Variants in LONP1 observed in about 807,000 individuals in gnomAD.
The protein encoded by LONP1 is lon peptidase 1, mitochondrial.
A neutral mutation model predicts 98.5 loss-of-function variants in LONP1; 31 were observed. The observed-to-expected ratio is 0.31, with a 90% CI of 0.24 to 0.42. LONP1 has a LOEUF of 0.42. Among genes scored for constraint, LONP1 ranks in the 20% least tolerant of loss-of-function variants. The pLI is 1.00. For synonymous variants in LONP1, 781 were observed against 594.7 expected (o/e 1.31, Z -4.56); for missense variants, 1,336 against 1,350.6 (o/e 0.99, Z 0.17).
intron 4 of LONP1, 142 bp downstream of exon 4, chr19:5,711,629 A>G: frequency 1.5e-6 from 1 of 662,120 alleles, no homozygotes; most frequent in South Asian, 2.0e-5. Context: ...TCTATGTTCC[A>G]TTAGAATTGA....
rs2054827976 is a variant in LONP1, at chr19:5,691,879, T to C, written c.*153A>G. 1.7e-5 allele frequency: 15 copies of C among 893,928 alleles called. No individual in the cohort carries two copies. The East Asian group carries it at 1.8e-4, about 11-fold the overall frequency. The allele number at this position is 893,928 out of a possible 1,614,324, so 55.4% of individuals were successfully genotyped here. Reference sequence around the variant, plus strand: ...ATTAAATAGCTTCTATGCCACACTCTGATTAAGCCGACTGAGGTCCCTGGG... The same window carrying C: ...ATTAAATAGCTTCTATGCCACACTCCGATTAAGCCGACTGAGGTCCCTGGG... On this transcript the variant is annotated 3_prime_UTR_variant, in exon 18 of 18. Coordinates refer to ENST00000360614, the MANE Select transcript of LONP1 (RefSeq NM_004793.4).
chr19:5,705,720 G>C, intron 8 of LONP1, 52 bp downstream of exon 8: 1 of 1,552,758 alleles, frequency 6.4e-7, no homozygotes, highest in Non-Finnish European at 8.9e-7. Flanking sequence ...CCTAAGATGG[G>C]GGCTGAGGAG....
intron 8 of LONP1, among the ~76,000 whole-genome samples, chr19:5,704,308 A>G (rs2055108623): frequency 6.6e-6 from 1 of 152,188 alleles, no homozygotes. Context: ...GGCATTGTGT[A>G]AGGCACTAAG....
intron 1 of LONP1, among the ~76,000 whole-genome samples, chr19:5,715,771 A>T (rs2055308877): frequency 1.3e-5 from 2 of 149,916 alleles, no homozygotes; most frequent in Non-Finnish European, 1.5e-5. Flanking sequence ...GATTCTTCCA[A>T]CTCATCCTAC....
Position 5,708,384 on chromosome 19 carries a change from A to G in LONP1, c.890T>C (p.Val297Ala), listed in dbSNP as rs774497941. Residue 297 changes from valine (V) to alanine (A), a missense_variant, in exon 5 of 18, where the codon GTG (valine) becomes GCG (alanine). By Grantham distance (64) the Val-to-Ala change is moderately conservative. This residue lies in a region of LONP1 where 97 missense variants were observed against 139.0 expected (regional missense o/e 0.70). Coordinates refer to ENST00000360614, the MANE Select transcript of LONP1 (RefSeq NM_004793.4). Reference sequence around the variant, plus strand: ...GGCAATGATGTCCCGGATGGTCTTCACGATCTCTGCAGTCAGGGCCTGCCA... The same window carrying G: ...GGCAATGATGTCCCGGATGGTCTTCGCGATCTCTGCAGTCAGGGCCTGCCA... ...EEVKALTAEIVKTIRDIIALN... is the reference protein window; with the variant it reads ...EEVKALTAEIAKTIRDIIALN... The G allele has an allele frequency of 3.0e-6, 4 of 1,337,818 alleles. No homozygotes were observed. The South Asian group carries it at 5.0e-5, about 17-fold the overall frequency. The allele number at this position is 1,337,818 out of a possible 1,614,324, so 82.9% of individuals were successfully genotyped here.
At chr19:5,703,842 C>A (rs527915553) in intron 8 of LONP1, among the ~76,000 whole-genome samples, 1 of 152,286 alleles carries the variant, frequency 6.6e-6, no homozygotes, top group South Asian at 2.1e-4. Flanking sequence ...ACAGAACCCG[C>A]CTTACAGACC....
chr19:5,715,580 T>C (rs183729688), intron 1 of LONP1, among the ~76,000 whole-genome samples: 1,391 of 124,526 alleles, frequency 0.011, 13 homozygotes, highest in Non-Finnish European at 0.017. Flanking sequence ...AGGCGGAGCA[T>C]GCAGTGAGCC....
In LONP1 at chr19:5,696,270, G is replaced by A. The variant is rs140376996; in HGVS notation, c.1875C>T (p.Asp625=). 220 of 1,613,224 alleles carry A rather than the reference G, an allele frequency of 1.4e-4. No homozygotes were observed. Among genetic ancestry groups the A allele is most frequent in the African/African-American group, 8.9e-4 (67 of 74,928 alleles). The change falls in exon 12 of 18, where the codon GAC becomes GAT. Residue 625 remains aspartate (D), a synonymous_variant. Transcript: ENST00000360614. The stretch of plus-strand genomic sequence containing the variant: ...CCACCTTGGACAAGTCCACGGGCAC[G>A]TCCAGGTAGTGGTCCAGGAAGTTGG... ...QNANFLDHYL[D]VPVDLSKVLF...
upstream of LONP1, chr19:5,720,151 G>A (rs532482572): frequency 2.9e-6 from 4 of 1,394,374 alleles, no homozygotes; most frequent in East Asian, 8.8e-5. Context: ...CATACTGGCG[G>A]CTCACACAAC....
At chr19:5,703,498 G>A (rs1425158995) in intron 8 of LONP1, among the ~76,000 whole-genome samples, 1 of 152,124 alleles carries the variant, frequency 6.6e-6, no homozygotes, top group African/African-American at 2.4e-5. Context: ...TGGGCCAGGA[G>A]CAAGTCAGTG....
At chr19:5,696,228 G>A in intron 12 of LONP1, 21 bp downstream of exon 12, 2 of 1,613,008 alleles carry the variant, frequency 1.2e-6, no homozygotes, top group Non-Finnish European at 1.7e-6. Flanking sequence ...AGCAAGCCCA[G>A]GCCCCAGACA....
In LONP1 at chr19:5,692,078, A is replaced by G. The variant is rs745688875; in HGVS notation, c.2834T>C (p.Ile945Thr). 8 of 1,610,288 alleles carry G rather than the reference A, an allele frequency of 5.0e-6. No individual in the cohort carries two copies. In the South Asian group the frequency reaches 5.5e-5, roughly 11 times the overall value. ...FVEHYREIFD[I>T]AFPDEQAEAL... is the part of the protein sequence containing the mutation. ...CTCTGCCTGCTCGTCCGGGAAGGCGATGTCGAAGATCTCCCGGTAGTGTTC... is the reference window on the plus strand; with the variant it reads ...CTCTGCCTGCTCGTCCGGGAAGGCGGTGTCGAAGATCTCCCGGTAGTGTTC... The change falls in exon 18 of 18, where the codon ATC becomes ACC. Residue 945 changes from isoleucine to threonine, a missense_variant. Transcript: ENST00000360614.
chr19:5,700,691 A>T, intron 9 of LONP1, 98 bp downstream of exon 9: 1 of 1,509,172 alleles, frequency 6.6e-7, no homozygotes, highest in Admixed American at 1.9e-5. Flanking sequence ...CTACGAATTC[A>T]CCAGGGGGCT....
chr19:5,694,804 C>G lies in LONP1; in HGVS notation c.2111G>C (p.Cys704Ser). Residue 704 changes from cysteine to serine, a missense_variant, in exon 14 of 18, where the codon TGC (cysteine) becomes TCC (serine). By Grantham distance (112) the Cys-to-Ser change is moderately radical. This residue lies in a region of LONP1 where 555 missense variants were observed against 542.6 expected (regional missense o/e 1.02). Coordinates refer to ENST00000360614, the MANE Select transcript of LONP1 (RefSeq NM_004793.4). The part of the protein sequence containing the change: ...DVLTLLIKQY[C>S]RESGVRNLQK... ...CAGGTTGCGGACACCGCTCTCGCGG[C>G]AGTACTGCTTGATGAGCAGCGTCAG... 6.3e-7 allele frequency: 1 copy of G among 1,599,664 alleles called. No individual in the cohort carries two copies. Among genetic ancestry groups the G allele is most frequent in the Non-Finnish European group, 8.6e-7 (1 of 1,169,012 alleles).
intron 8 of LONP1, among the ~76,000 whole-genome samples, chr19:5,704,063 A>G (rs888486252): frequency 2.0e-5 from 3 of 152,022 alleles, no homozygotes; most frequent in Admixed American, 6.6e-5. Flanking sequence ...AAGGTCCCCG[A>G]GACAGGAGAG....
rs202037078 is a variant in LONP1 at position 5,706,040 on chromosome 19, T to G, written c.1147-48A>C. The G allele has an allele frequency of 4.6e-6, 6 of 1,316,566 alleles. No homozygotes were observed. In the African/African-American group the frequency reaches 7.3e-5, roughly 16 times the overall value. 81.6% of individuals were successfully genotyped at this position (1,316,566 alleles called of 1,614,324 possible). A position where few individuals can be genotyped will look rare whatever the true frequency, so the allele number is the denominator to read the frequency against. On this transcript the variant is annotated intron_variant, in intron 7 of 17. Transcript: ENST00000360614. ...CAGGCCCTGGCTCCGGGAAGCTGGG[T>G]GGGTGGGTGCGTCCCCAGACGAAGG...
Position 5,692,851 on chromosome 19 carries a change from C to G in LONP1, c.2703+447G>C, listed in dbSNP as rs917965325. ...GACTGACTGCACCAGGCTTCCTAGACACATGGCAAGTGTGGTCCAGTCTGG... is the reference window on the plus strand; with the variant it reads ...GACTGACTGCACCAGGCTTCCTAGAGACATGGCAAGTGTGGTCCAGTCTGG... On this transcript the variant is annotated intron_variant, in intron 17 of 17. Coordinates refer to ENST00000360614, the MANE Select transcript of LONP1 (RefSeq NM_004793.4). Among the ~76,000 whole-genome samples, 11 of 152,290 alleles carry G rather than the reference C, an allele frequency of 7.2e-5. No individual in the cohort carries two copies. In the East Asian group the frequency reaches 1.4e-3, roughly 19 times the overall value.
intron 10 of LONP1, among the ~76,000 whole-genome samples, chr19:5,697,507 GGGGGGGAGAGAAGA>G (rs1308397200): frequency 6.8e-6 from 1 of 146,822 alleles, no homozygotes; most frequent in Non-Finnish European, 1.5e-5. Context: ...AGAGGGAGGA[GGGGGGGAGAGAAGA>G]GGGAGGAGAG....
At chr19:5,694,642 C>T (rs1021896993) in intron 14 of LONP1, 90 bp from the exon 15 acceptor site, 51 of 1,549,864 alleles carry the variant, frequency 3.3e-5, no homozygotes, top group East Asian at 1.1e-4. Context: ...GTGTGACGGG[C>T]GCGGGGTGGT....
Sources: gnomAD v4.1 joint callset for allele counts (sites outside exome capture counted in the v4.1 genomes callset) on GRCh38, gnomAD v4.1.1 for gene constraint, gnomAD v4.1.1 regional missense constraint, MANE v1.5 for transcripts, NCBI Gene and HGNC (gene_info 2026-07-23, HGNC 2026-07-21) for gene names.